The following BRD9 variants were observed in gnomAD, a reference collection of about 807,000 sequenced individuals.
BRD9 encodes bromodomain containing 9.
A neutral mutation model predicts 68.7 loss-of-function variants in BRD9; 47 were observed. The observed-to-expected ratio is 0.68, with a 90% CI of 0.54 to 0.87. The LOEUF is 0.87. Ranked by LOEUF, BRD9 falls within the 40% of genes least tolerant of loss-of-function variation. The pLI, the probability that BRD9 is intolerant of heterozygous loss-of-function variation, is 0.00. For synonymous variants in BRD9, 313 were observed against 293.9 expected, an observed-to-expected ratio of 1.06 and a Z score of -0.67; for missense variants, 670 against 748.4, an observed-to-expected ratio of 0.90 and a Z score of 1.22.
chr5:878,204 T>A (rs984503978), intron 11 of BRD9, 151 bp downstream of exon 11: 54 of 1,132,542 alleles, frequency 4.8e-5, no homozygotes, highest in Non-Finnish European at 6.5e-5. Context: ...CCTGTGTGGA[T>A]GACTGAAAGC....
At chr5:890,460 C>T (rs931790501) in intron 3 of BRD9, among the ~76,000 whole-genome samples, 20 of 152,216 alleles carry the variant, frequency 1.3e-4, no homozygotes, top group Middle Eastern at 3.2e-3. Context: ...AATGCCTCAT[C>T]ACTGTGAGTT....
intron 9 of BRD9, among the ~76,000 whole-genome samples, chr5:880,843 G>C (rs1450914941): frequency 2.0e-5 from 3 of 152,214 alleles, no homozygotes; most frequent in Non-Finnish European, 2.9e-5. Flanking sequence ...AAGGCCTCTC[G>C]GCAGCTTTTC....
intron 3 of BRD9, among the ~76,000 whole-genome samples, chr5:890,439 T>A (rs1753191881): frequency 6.6e-6 from 1 of 152,162 alleles, no homozygotes; most frequent in South Asian, 2.1e-4. Flanking sequence ...ACACCCCTTG[T>A]CTTAGGTACA....
chr5:869,190 A>C, intron 14 of BRD9: 1 of 387,108 alleles, frequency 2.6e-6, no homozygotes, highest in Non-Finnish European at 5.1e-6. Flanking sequence ...AGGGCACTCC[A>C]AAGTCAACCT....
rs1020139528 is a variant in BRD9, at chr5:864,934, C to T, written c.1694-366G>A. Among the ~76,000 whole-genome samples the T allele has an allele frequency of 2.0e-5, 3 of 152,218 alleles. No homozygotes were observed. In the East Asian group the frequency reaches 5.8e-4, roughly 29 times the overall value. ...CCATGCACTGTTAACACCCTGATCA[C>T]AAGGTCAATGGAATCGAAAATACCG... On this transcript the variant is annotated intron_variant, in intron 15 of 15. Transcript: ENST00000467963.
intron 1 of BRD9, 140 bp from the exon 2 acceptor site, chr5:891,994 G>T: frequency 7.4e-6 from 10 of 1,358,022 alleles, no homozygotes; most frequent in Non-Finnish European, 9.8e-6. Flanking sequence ...AAGACGGAAG[G>T]GAAGACCACA....
intron 11 of BRD9, among the ~76,000 whole-genome samples, chr5:877,361 C>T (rs958169207): frequency 1.3e-5 from 2 of 152,228 alleles, no homozygotes; most frequent in Non-Finnish European, 2.9e-5. Context: ...ACTAGAATTT[C>T]CTCTTCATTT....
At position 892,739 on chromosome 5, in the gene BRD9, C is replaced by CCTGG. The variant is rs1753652781; in HGVS notation, c.-86_-83dup. 1.6e-6 allele frequency: 2 copies of CCTGG among 1,212,672 alleles called. No individual in the cohort carries two copies. The highest frequency in any genetic ancestry group is 2.1e-6 in the Non-Finnish European group (2 of 966,046). The allele number at this position is 1,212,672 out of a possible 1,614,324, so 75.1% of individuals were successfully genotyped here. ...ACCTTGGCCGCCACCGCCCCCTGGC[C>CCTGG]CTGGCTGGCCGCCCGCGCTCGCTGC... On this transcript the variant is annotated 5_prime_UTR_variant, in exon 1 of 16. Transcript: ENST00000467963.
intron 12 of BRD9, among the ~76,000 whole-genome samples, chr5:872,893 T>C (rs1045641945): frequency 6.6e-6 from 1 of 152,136 alleles, no homozygotes; most frequent in Non-Finnish European, 1.5e-5. Flanking sequence ...CTGTTCCCTG[T>C]AGAAAGAAAA....
intron 6 of BRD9, 46 bp downstream of exon 6, chr5:887,315 A>C: frequency 1.3e-6 from 2 of 1,503,740 alleles, no homozygotes; most frequent in Non-Finnish European, 1.8e-6. Flanking sequence ...GACGGGGGGC[A>C]GAGCCCCTGC....
At position 889,052 on chromosome 5, in the gene BRD9, G is replaced by C. The variant is rs767946075; in HGVS notation, c.575C>G (p.Ala192Gly). The C allele has an allele frequency of 6.2e-7, 1 of 1,609,734 alleles. No individual in the cohort carries two copies. The highest frequency in any genetic ancestry group is 1.1e-5 in the South Asian group (1 of 89,226). The change falls in exon 5 of 16, where the codon GCT (alanine) becomes GGT (glycine). Residue 192 changes from alanine (A) to glycine (G), a missense_variant. Ala to Gly is a moderately conservative substitution (Grantham distance 60). Coordinates refer to ENST00000467963, the MANE Select transcript of BRD9 (RefSeq NM_023924.5). ...TTCCGTAACTGACTTGTATTCATTAGCTACAATTTTGTCTTTCATGGTGCC... is the reference window on the plus strand; with the variant it reads ...TTCCGTAACTGACTTGTATTCATTACCTACAATTTTGTCTTTCATGGTGCC... ...DFGTMKDKIV[A>G]NEYKSVTEFK...
chr5:874,829 C>A (rs981662834), intron 12 of BRD9, among the ~76,000 whole-genome samples: 4 of 152,220 alleles, frequency 2.6e-5, no homozygotes, highest in African/African-American at 9.6e-5. Flanking sequence ...TAGCCAACAG[C>A]ATCAGAAACT....
intron 5 of BRD9, chr5:888,489 T>C (rs1228696207): frequency 6.6e-6 from 1 of 152,324 alleles, no homozygotes. Flanking sequence ...CTTTCTAAAC[T>C]ACACTAATGC....
intron 12 of BRD9, among the ~76,000 whole-genome samples, chr5:872,191 A>G (rs1750245379): frequency 1.3e-5 from 2 of 152,252 alleles, no homozygotes. Context: ...ATGCTGTAGT[A>G]TATGCACTCT....
In BRD9 at chr5:870,593, C is replaced by T. The variant is rs762655008; in HGVS notation, c.1423-18G>A. ...TCCCCAACCTGTGGAGACAGACACACATCAAGAGCAATTCAAACATCAAAC... is the reference window on the plus strand; with the variant it reads ...TCCCCAACCTGTGGAGACAGACACATATCAAGAGCAATTCAAACATCAAAC... On this transcript the variant is annotated intron_variant, in intron 13 of 15. Coordinates refer to ENST00000467963, the MANE Select transcript of BRD9 (RefSeq NM_023924.5). 3 of 1,556,242 alleles carry T rather than the reference C, an allele frequency of 1.9e-6. No homozygotes were observed. The highest frequency in any genetic ancestry group is 2.3e-5 in the South Asian group (2 of 88,386).
At chr5:875,946 C>T (rs73733911) in intron 12 of BRD9, among the ~76,000 whole-genome samples, 155 bp downstream of exon 12, 1,553 of 152,284 alleles carry the variant, frequency 0.01, 32 homozygotes, top group African/African-American at 0.036. Flanking sequence ...GGACACCTGC[C>T]CGTGCAGAGA....
rs139342650 is a variant in BRD9, at chr5:872,151, G to A, written c.1384-587C>T. On this transcript the variant is annotated intron_variant, in intron 12 of 15. Coordinates refer to ENST00000467963, the MANE Select transcript of BRD9 (RefSeq NM_023924.5). Reference sequence around the variant, plus strand: ...TCCTTCCACAACTGTCGGCCTCCGTGGCACACCCGTCCTGTGCTCCGGTGG... The same window carrying A: ...TCCTTCCACAACTGTCGGCCTCCGTAGCACACCCGTCCTGTGCTCCGGTGG... Among the ~76,000 whole-genome samples the A allele has an allele frequency of 3.4e-3, 513 of 152,348 alleles. 3 individuals are homozygous for A. Among genetic ancestry groups the A allele is most frequent in the African/African-American group, 0.012 (481 of 41,582 alleles).
intron 12 of BRD9, among the ~76,000 whole-genome samples, chr5:872,318 C>T (rs959638408): frequency 6.6e-6 from 1 of 152,216 alleles, no homozygotes; most frequent in African/African-American, 2.4e-5. Context: ...TCCCCAAAAG[C>T]CTTCAGTCAC....
intron 12 of BRD9, among the ~76,000 whole-genome samples, chr5:875,539 G>A (rs1242053636): frequency 4.6e-5 from 7 of 152,000 alleles, no homozygotes; most frequent in Admixed American, 6.6e-5. Context: ...TAGTAGAGAC[G>A]GGGTTTCACC....
Sources: gnomAD v4.1 joint callset for allele counts (sites outside exome capture counted in the v4.1 genomes callset) on GRCh38, gnomAD v4.1.1 for gene constraint, MANE v1.5 for transcripts, NCBI Gene and HGNC (gene_info 2026-07-23, HGNC 2026-07-21) for gene names.